Variants in SH3RF1 observed in about 807,000 individuals in gnomAD.
SH3RF1 encodes E3 ubiquitin-protein ligase SH3RF1.
SH3RF1 carries 32 observed loss-of-function variants against 74.0 expected under a neutral mutation model. The observed-to-expected ratio is 0.43, with a 90% confidence interval of 0.33 to 0.58. SH3RF1 has a LOEUF of 0.58. Ranked by LOEUF, SH3RF1 falls within the 20% of genes least tolerant of loss-of-function variation. The pLI, the probability that SH3RF1 is intolerant of heterozygous loss-of-function variation, is 0.05. For missense variants in SH3RF1, 954 were observed against 1,130.9 expected (o/e 0.84, Z 2.24); for synonymous variants, 396 against 439.6 (o/e 0.90, Z 1.24).
At chr4:169,248,259 C>A (rs188145700) in intron 2 of SH3RF1, among the ~76,000 whole-genome samples, 151 of 152,288 alleles carry the variant, frequency 9.9e-4, no homozygotes, top group Non-Finnish European at 1.9e-3. Context: ...TAATGATAGA[C>A]CGCATAAAGA....
At chr4:169,099,301 C>T (rs542276001) in intron 11 of SH3RF1, among the ~76,000 whole-genome samples, 18 of 152,338 alleles carry the variant, frequency 1.2e-4, no homozygotes, top group African/African-American at 4.3e-4. Context: ...ATTGCCCAGG[C>T]TGGTCTTGAA....
At chr4:169,205,686 G>A (rs1194330292) in intron 2 of SH3RF1, among the ~76,000 whole-genome samples, 1 of 152,098 alleles carries the variant, frequency 6.6e-6, no homozygotes, top group East Asian at 1.9e-4. Flanking sequence ...GACGTTAGCA[G>A]GACTAATAAA....
chr4:169,175,862 G>C (rs1023844972), intron 2 of SH3RF1, among the ~76,000 whole-genome samples: 1 of 152,156 alleles, frequency 6.6e-6, no homozygotes, highest in African/African-American at 2.4e-5. Flanking sequence ...ACCCTAACCA[G>C]TGCGAGAGTA....
At chr4:169,165,637 CG>C (rs33952582) in intron 2 of SH3RF1, among the ~76,000 whole-genome samples, 5,134 of 147,050 alleles carry the variant, frequency 0.035, 301 homozygotes, top group African/African-American at 0.12. Flanking sequence ...GAAAAAAAGG[CG>C]GGGGGGGGAG....
In SH3RF1 at chr4:169,156,496, G is replaced by C. The variant is rs1431574523; in HGVS notation, c.577C>G (p.Pro193Ala). ...CACTGAGGTGGGGGCTGAGGTAACGGTTTAATAATCTGCACAAAGTTGGTG... is the reference window on the plus strand; with the variant it reads ...CACTGAGGTGGGGGCTGAGGTAACGCTTTAATAATCTGCACAAAGTTGGTG... ...FPTNFVQIIK[P>A]LPQPPPQCKA... Residue 193 changes from proline to alanine, a missense_variant, in exon 3 of 12, where the codon CCG becomes GCG. Pro to Ala is a conservative substitution (Grantham distance 27, BLOSUM62 -1). This residue lies in a region of SH3RF1 where 854 missense variants were observed against 962.5 expected (regional missense o/e 0.89). Coordinates refer to ENST00000284637, the MANE Select transcript of SH3RF1 (RefSeq NM_020870.4). 1.2e-6 allele frequency: 2 copies of C among 1,613,904 alleles called. No individual in the cohort carries two copies. The highest frequency in any genetic ancestry group is 1.7e-6 in the Non-Finnish European group (2 of 1,179,958).
At chr4:169,124,657 ACT>A (rs1733495833) in intron 6 of SH3RF1, among the ~76,000 whole-genome samples, 1 of 152,302 alleles carries the variant, frequency 6.6e-6, no homozygotes, top group Non-Finnish European at 1.5e-5. Flanking sequence ...AGATCAAGAA[ACT>A]CTGATTAAAA....
At chr4:169,104,090 C>G (rs1376425942) in intron 11 of SH3RF1, among the ~76,000 whole-genome samples, 1 of 152,040 alleles carries the variant, frequency 6.6e-6, no homozygotes, top group South Asian at 2.1e-4. Context: ...AGGAAGGGAC[C>G]GGAATGCAGA....
intron 2 of SH3RF1, among the ~76,000 whole-genome samples, chr4:169,225,092 A>C (rs1046157446): frequency 2.6e-5 from 4 of 152,226 alleles, no homozygotes; most frequent in Non-Finnish European, 5.9e-5. Flanking sequence ...CTCTGCATTG[A>C]TGAATTCAAA....
intron 11 of SH3RF1, among the ~76,000 whole-genome samples, chr4:169,099,468 T>G (rs938007605): frequency 2.0e-5 from 3 of 152,160 alleles, no homozygotes; most frequent in Non-Finnish European, 2.9e-5. Context: ...ATTTCTCAAG[T>G]CTAATGTCAA....
intron 2 of SH3RF1, among the ~76,000 whole-genome samples, chr4:169,169,666 G>A (rs561053563): frequency 6.6e-6 from 1 of 152,212 alleles, no homozygotes; most frequent in South Asian, 2.1e-4. Context: ...TTAAAGGTGA[G>A]AGAAGGAAGG....
At chr4:169,104,287 G>A (rs1008161259) in intron 11 of SH3RF1, among the ~76,000 whole-genome samples, 1 of 152,098 alleles carries the variant, frequency 6.6e-6, no homozygotes, top group Non-Finnish European at 1.5e-5. Flanking sequence ...GAAAACTGCA[G>A]ATCAATGCCT....
rs374906297 is a variant in SH3RF1 at position 169,121,119 on chromosome 4, T to C, written c.1347-130A>G. The C allele has an allele frequency of 1.8e-5, 13 of 739,612 alleles. 1 individual carries two copies. The highest frequency in any genetic ancestry group is 1.1e-4 in the South Asian group (6 of 54,760). The allele number at this position is 739,612 out of a possible 1,614,324, so 45.8% of individuals were successfully genotyped here. A position where few individuals can be genotyped will look rare whatever the true frequency, so the allele number is the denominator to read the frequency against. On this transcript the variant is annotated intron_variant, in intron 7 of 11. Transcript: ENST00000284637. The stretch of plus-strand genomic sequence containing the variant: ...AAACTGAAAGTATAATCCTTTAATC[T>C]ATAAGTAGCACTGACAATTCTCCAT...
intron 2 of SH3RF1, among the ~76,000 whole-genome samples, chr4:169,253,965 T>C (rs111843679): frequency 6.6e-6 from 1 of 152,222 alleles, no homozygotes; most frequent in African/African-American, 2.4e-5. Context: ...TAGACCACCA[T>C]GGTGGGTGCA....
At chr4:169,194,737 A>G (rs974816372) in intron 2 of SH3RF1, among the ~76,000 whole-genome samples, 1 of 152,162 alleles carries the variant, frequency 6.6e-6, no homozygotes, top group African/African-American at 2.4e-5. Flanking sequence ...AAACTGCTAG[A>G]TCATAGGGTA....
At chr4:169,221,267 TC>T (rs1730560098) in intron 2 of SH3RF1, among the ~76,000 whole-genome samples, 1 of 152,004 alleles carries the variant, frequency 6.6e-6, no homozygotes, top group Admixed American at 6.6e-5. Context: ...CACTCTCTGC[TC>T]CTGACAATGT....
intron 10 of SH3RF1, among the ~76,000 whole-genome samples, chr4:169,111,368 C>T (rs1477858788): frequency 6.6e-6 from 1 of 150,646 alleles, no homozygotes; most frequent in Non-Finnish European, 1.5e-5. Flanking sequence ...CATCCTCCCA[C>T]CTCAGCCTCC....
intron 2 of SH3RF1, among the ~76,000 whole-genome samples, chr4:169,257,947 AT>A (rs1731218542): frequency 6.6e-6 from 1 of 152,188 alleles, no homozygotes; most frequent in Admixed American, 6.5e-5. Flanking sequence ...TTAAAGGCAG[AT>A]TACTGGTGTC....
chr4:169,163,530 G>C (rs779974286), intron 2 of SH3RF1, among the ~76,000 whole-genome samples: 1 of 152,138 alleles, frequency 6.6e-6, no homozygotes, highest in African/African-American at 2.4e-5. Context: ...GAGGTAGGAC[G>C]AAAACCAGCA....
At chr4:169,257,243 T>C (rs1472848259) in intron 2 of SH3RF1, among the ~76,000 whole-genome samples, 1 of 152,152 alleles carries the variant, frequency 6.6e-6, no homozygotes, top group Admixed American at 6.5e-5. Context: ...GAGGAAGAAA[T>C]TAATTCCTCT....
Sources: gnomAD v4.1 joint callset for allele counts (sites outside exome capture counted in the v4.1 genomes callset) on GRCh38, gnomAD v4.1.1 for gene constraint, gnomAD v4.1.1 regional missense constraint, MANE v1.5 for transcripts, NCBI Gene and HGNC (gene_info 2026-07-23, HGNC 2026-07-21) for gene names.